ZNF385D: variants seen among roughly 807,000 people sequenced by gnomAD.
The protein encoded by ZNF385D is zinc finger protein 385D.
ZNF385D carries 15 observed loss-of-function variants against 35.8 expected under a neutral mutation model. The observed-to-expected ratio is 0.42, with a 90% CI of 0.28 to 0.64. The LOEUF (loss-of-function observed/expected upper bound fraction) is 0.64. Among genes scored for constraint, ZNF385D ranks in the 30% least tolerant of loss-of-function variants. The probability of loss-of-function intolerance (pLI) is 0.23; values close to 1 mark genes in which losing one functional copy is unlikely to be tolerated. For missense variants in ZNF385D, 474 were observed against 494.6 expected (o/e 0.96, Z 0.39); for synonymous variants, 212 against 186.8 (o/e 1.13, Z -1.10).
intron 2 of ZNF385D, among the ~76,000 whole-genome samples, chr3:22,307,661 G>A (rs1404897467): frequency 6.6e-6 from 1 of 151,672 alleles, no homozygotes; most frequent in African/African-American, 2.4e-5. Flanking sequence ...TTGACCTAGT[G>A]GCAAGAGGTA....
At chr3:21,939,054 A>G (rs1006630858) in intron 3 of ZNF385D, among the ~76,000 whole-genome samples, 1 of 152,150 alleles carries the variant, frequency 6.6e-6, no homozygotes, top group African/African-American at 2.4e-5. Flanking sequence ...GTTTCTCACT[A>G]AACTAATTTT....
chr3:21,862,746 G>C (rs1364012225), intron 3 of ZNF385D, among the ~76,000 whole-genome samples: 1 of 152,116 alleles, frequency 6.6e-6, no homozygotes, highest in Non-Finnish European at 1.5e-5. Context: ...CCTTATAGAA[G>C]TTCTTTTTCT....
At chr3:22,120,285 T>G (rs1392375955) in intron 3 of ZNF385D, among the ~76,000 whole-genome samples, 1 of 151,916 alleles carries the variant, frequency 6.6e-6, no homozygotes, top group Non-Finnish European at 1.5e-5. Context: ...TGTTGGAAGT[T>G]TGGTTTCTCC....
chr3:22,031,137 G>C (rs942832653), intron 3 of ZNF385D, among the ~76,000 whole-genome samples: 7 of 152,168 alleles, frequency 4.6e-5, no homozygotes, highest in African/African-American at 1.7e-4. Context: ...TCTTAGGCTG[G>C]TGTTGAGTGC....
intron 2 of ZNF385D, among the ~76,000 whole-genome samples, chr3:22,177,347 A>G (rs921668110): frequency 2.0e-5 from 3 of 152,218 alleles, no homozygotes; most frequent in Non-Finnish European, 4.4e-5. Context: ...AAAATTTCTG[A>G]AGACCTGAGT....
intron 2 of ZNF385D, among the ~76,000 whole-genome samples, chr3:22,225,482 G>A (rs909375381): frequency 6.6e-6 from 1 of 152,142 alleles, no homozygotes; most frequent in Non-Finnish European, 1.5e-5. Context: ...TGGCTGGCTG[G>A]GGGTAGATGT....
intron 3 of ZNF385D, among the ~76,000 whole-genome samples, chr3:22,146,415 G>A (rs573918945): frequency 3.3e-5 from 5 of 152,176 alleles, no homozygotes; most frequent in African/African-American, 9.6e-5. Context: ...GAATTTTTTT[G>A]TATGTTTTTG....
chr3:22,036,353 T>C (rs1698315419), intron 3 of ZNF385D, among the ~76,000 whole-genome samples: 1 of 152,166 alleles, frequency 6.6e-6, no homozygotes, highest in African/African-American at 2.4e-5. Flanking sequence ...TAACCAAGTT[T>C]TGGCCCAATG....
intron 3 of ZNF385D, among the ~76,000 whole-genome samples, chr3:22,140,341 T>G (rs541429233): frequency 5.9e-5 from 9 of 152,292 alleles, no homozygotes; most frequent in African/African-American, 2.2e-4. Flanking sequence ...TTATATGCTG[T>G]GTGGTTCTAT....
chr3:21,770,984 C>T (rs2071051884), intron 3 of ZNF385D, among the ~76,000 whole-genome samples: 1 of 149,386 alleles, frequency 6.7e-6, no homozygotes. Flanking sequence ...CAAACTGTTG[C>T]AAGGACAAAA....
At chr3:21,868,581 T>C (rs1253413632) in intron 3 of ZNF385D, among the ~76,000 whole-genome samples, 2 of 152,150 alleles carry the variant, frequency 1.3e-5, no homozygotes, top group Admixed American at 1.3e-4. Context: ...AATGTTTTTG[T>C]ACTATTACCA....
intron 2 of ZNF385D, among the ~76,000 whole-genome samples, chr3:22,364,052 T>G (rs1260158659): frequency 6.6e-6 from 1 of 152,148 alleles, no homozygotes; most frequent in Non-Finnish European, 1.5e-5. Flanking sequence ...ACATTATGTT[T>G]GTGATAGTAT....
intron 2 of ZNF385D, among the ~76,000 whole-genome samples, chr3:22,205,366 A>G (rs181491778): frequency 6.6e-6 from 1 of 152,012 alleles, no homozygotes; most frequent in Non-Finnish European, 1.5e-5. Context: ...AAGAAATGCT[A>G]TAAGAAGTTC....
chr3:22,367,947 TGACGAATCAA>T (rs1485968036), intron 2 of ZNF385D, among the ~76,000 whole-genome samples: 2 of 152,216 alleles, frequency 1.3e-5, no homozygotes, highest in Non-Finnish European at 2.9e-5. Flanking sequence ...ATAGGTCTAA[TGACGAATCAA>T]GGCGCATCAA....
At chr3:21,602,759 TCCTAA>T (rs1343701144) in intron 2 of ZNF385D, among the ~76,000 whole-genome samples, 2 of 150,854 alleles carry the variant, frequency 1.3e-5, no homozygotes, top group African/African-American at 2.5e-5. Flanking sequence ...GGTCTCGATC[TCCTAA>T]CCTCATGATC....
At chr3:21,621,892 TGTGCGTGCACGCAC>T (rs1453109995) in intron 2 of ZNF385D, among the ~76,000 whole-genome samples, 51 of 149,144 alleles carry the variant, frequency 3.4e-4, no homozygotes, top group Admixed American at 2.8e-3. Flanking sequence ...TGTGTGTGTG[TGTGCGTGCACGCAC>T]GTGTGTGCTT....
At chr3:21,469,126 G>A (rs1703723135) in intron 4 of ZNF385D, among the ~76,000 whole-genome samples, 1 of 152,126 alleles carries the variant, frequency 6.6e-6, no homozygotes, top group African/African-American at 2.4e-5. Flanking sequence ...GAGCAGATTT[G>A]TCTACTCATT....
chr3:21,993,195 T>C (rs141247577), intron 3 of ZNF385D, among the ~76,000 whole-genome samples: 26 of 152,324 alleles, frequency 1.7e-4, no homozygotes, highest in African/African-American at 6.3e-4. Context: ...TTGACATTCA[T>C]ATCTGTCTCT....
Position 22,296,427 on chromosome 3 carries a change from C to T in ZNF385D, c.106+76023G>A, listed in dbSNP as rs185687648. On this transcript the variant is annotated intron_variant, in intron 2 of 5. Coordinates refer to the ZNF385D transcript ENST00000494108. ...AGCTGGGTTCTCCAGGAAGAAAATG[C>T]TAAAATGGGACTGCAAGCAGTTCTT... is the stretch of plus-strand genomic sequence containing the variant. 1.0e-3 allele frequency among the ~76,000 whole-genome samples: 155 copies of T among 152,146 alleles called. 2 individuals are homozygous for T. Among genetic ancestry groups the T allele is most frequent in the African/African-American group, 3.6e-3 (151 of 41,532 alleles).
Sources: gnomAD v4.1 joint callset for allele counts (sites outside exome capture counted in the v4.1 genomes callset) on GRCh38, gnomAD v4.1.1 for gene constraint, MANE v1.5 for transcripts, NCBI Gene and HGNC (gene_info 2026-07-23, HGNC 2026-07-21) for gene names.